Variants in PCDH15 observed in about 807,000 individuals in gnomAD.
PCDH15 encodes the protein protocadherin-15.
PCDH15 carries 129 observed loss-of-function variants against 178.5 expected under a neutral mutation model. That is an observed-to-expected ratio of 0.72 (90% CI 0.63 to 0.84). PCDH15 has a LOEUF of 0.84. Among genes scored for constraint, PCDH15 ranks in the 40% least tolerant of loss-of-function variants. The pLI is 0.00. For missense variants in PCDH15, 2,230 were observed against 2,099.9 expected (o/e 1.06, Z -1.21); for synonymous variants, 800 against 732.0 (o/e 1.09, Z -1.50).
intron 2 of PCDH15, among the ~76,000 whole-genome samples, chr10:55,132,787 T>C (rs746198776): frequency 6.6e-6 from 1 of 152,212 alleles, no homozygotes; most frequent in Non-Finnish European, 1.5e-5. Context: ...ACATTGTAGT[T>C]ATCCTCATTT....
intron 1 of PCDH15, among the ~76,000 whole-genome samples, chr10:55,179,221 A>G (rs1839574629): frequency 6.6e-6 from 1 of 152,052 alleles, no homozygotes; most frequent in African/African-American, 2.4e-5. Context: ...TCCCAAAACA[A>G]TTCCCCCCGT....
chr10:55,169,437 A>G (rs1181484637), intron 1 of PCDH15, among the ~76,000 whole-genome samples: 3 of 152,210 alleles, frequency 2.0e-5, no homozygotes, highest in Non-Finnish European at 4.4e-5. Flanking sequence ...TCATTATTTA[A>G]CTACATTTCA....
At chr10:55,592,148 T>C (rs1200203542) in intron 2 of PCDH15, among the ~76,000 whole-genome samples, 2 of 152,188 alleles carry the variant, frequency 1.3e-5, no homozygotes, top group Admixed American at 1.3e-4. Flanking sequence ...GATTTCTTAT[T>C]GCGCCGGTAT....
intron 2 of PCDH15, chr10:54,655,785 C>T (rs2094393529): frequency 6.6e-6 from 1 of 152,128 alleles, no homozygotes; most frequent in African/African-American, 2.4e-5. Context: ...CACAAGATTA[C>T]TCACCTTCAG....
At chr10:55,523,175 A>AT (rs903720540) in intron 2 of PCDH15, among the ~76,000 whole-genome samples, 1 of 151,168 alleles carries the variant, frequency 6.6e-6, no homozygotes, top group Non-Finnish European at 1.5e-5. Flanking sequence ...AGATTTGGAA[A>AT]TTTTTTTTAA....
intron 2 of PCDH15, among the ~76,000 whole-genome samples, chr10:54,573,460 T>C (rs1170044323): frequency 1.3e-5 from 2 of 152,176 alleles, no homozygotes; most frequent in African/African-American, 2.4e-5. Context: ...GAAACCAGCA[T>C]TGATATTTTC....
chr10:55,142,739 G>A (rs1838389586), intron 2 of PCDH15, among the ~76,000 whole-genome samples: 1 of 151,190 alleles, frequency 6.6e-6, no homozygotes, highest in African/African-American at 2.4e-5. Flanking sequence ...CTCAGGTTCA[G>A]CAAACTCAAG....
At chr10:53,974,070 G>C (rs2089988030) in intron 21 of PCDH15, among the ~76,000 whole-genome samples, 2 of 152,090 alleles carry the variant, frequency 1.3e-5, no homozygotes, top group South Asian at 4.1e-4. Context: ...CGGGCTGGAA[G>C]GCAGTGGCGT....
intron 29 of PCDH15, among the ~76,000 whole-genome samples, chr10:53,831,835 A>C (rs2077035981): frequency 1.3e-5 from 2 of 152,144 alleles, no homozygotes; most frequent in Non-Finnish European, 2.9e-5. Flanking sequence ...AAAATAATTT[A>C]ACAACATTTT....
chr10:54,160,180 C>A lies in PCDH15; in HGVS notation c.1591-6887G>T, dbSNP rs575369133. The stretch of plus-strand genomic sequence containing the variant: ...ATGCTGGACAAAAGGATGATTCATG[C>A]CCCCCCCAACAAGCTGGGGACAGAG... On this transcript the variant is annotated intron_variant, in intron 13 of 37. Coordinates refer to ENST00000644397, the MANE Select transcript of PCDH15 (RefSeq NM_001384140.1). 4.1e-5 allele frequency among the ~76,000 whole-genome samples: 6 copies of A among 146,956 alleles called. No individual in the cohort carries two copies. In the East Asian group the frequency reaches 9.7e-4, roughly 24 times the overall value.
chr10:54,335,419 T>G (rs1300869993), intron 6 of PCDH15, among the ~76,000 whole-genome samples: 1 of 152,192 alleles, frequency 6.6e-6, no homozygotes, highest in Non-Finnish European at 1.5e-5. Flanking sequence ...CTTTCTACAA[T>G]TGATATGGTT....
chr10:53,972,305 T>G (rs1167859990), intron 21 of PCDH15, among the ~76,000 whole-genome samples: 1 of 151,208 alleles, frequency 6.6e-6, no homozygotes, highest in Non-Finnish European at 1.5e-5. Context: ...GATTAAAGAC[T>G]TAGATGTTAG....
intron 2 of PCDH15, among the ~76,000 whole-genome samples, chr10:55,100,807 A>G (rs1157616927): frequency 2.0e-5 from 3 of 152,130 alleles, no homozygotes; most frequent in Admixed American, 2.0e-4. Flanking sequence ...AAATTTTGAC[A>G]TGAGTTTTGG....
rs572917482 is a variant in PCDH15, at chr10:53,914,374, T to A, written c.3374-11004A>T. The stretch of plus-strand genomic sequence containing the variant: ...GACTTCAAACCCACCCAAATGTCCA[T>A]CAATGATAGACTGGATTAAGAAAAT... On this transcript the variant is annotated intron_variant, in intron 25 of 37. Transcript: ENST00000644397. Among the ~76,000 whole-genome samples, 6 of 152,206 alleles carry A rather than the reference T, an allele frequency of 3.9e-5. No homozygotes were observed. In the East Asian group the frequency reaches 9.7e-4, roughly 25 times the overall value.
chr10:54,418,640 T>C lies in PCDH15; in HGVS notation c.158-39698A>G, dbSNP rs115178846. Reference sequence around the variant, plus strand: ...TTATCATTTTGTAACTTTTTTATTATATTAGTCAAAAAATCTAACTGTACT... The same window carrying C: ...TTATCATTTTGTAACTTTTTTATTACATTAGTCAAAAAATCTAACTGTACT... On this transcript the variant is annotated intron_variant, in intron 3 of 37. Transcript: ENST00000644397. Among the ~76,000 whole-genome samples the C allele has an allele frequency of 6.0e-3, 915 of 152,028 alleles. 6 individuals carry two copies. The highest frequency in any genetic ancestry group is 0.02 in the African/African-American group (846 of 41,544).
intron 3 of PCDH15, among the ~76,000 whole-genome samples, chr10:54,860,891 G>A (rs976022809): frequency 2.0e-5 from 3 of 152,076 alleles, no homozygotes; most frequent in Non-Finnish European, 4.4e-5. Flanking sequence ...CGATCATTAA[G>A]GCAATTTCTC....
intron 2 of PCDH15, among the ~76,000 whole-genome samples, chr10:55,014,801 T>A (rs916977092): frequency 6.6e-6 from 1 of 152,224 alleles, no homozygotes; most frequent in African/African-American, 2.4e-5. Context: ...AATACTTTTT[T>A]AATTGAAATT....
intron 2 of PCDH15, among the ~76,000 whole-genome samples, chr10:55,407,148 G>A (rs1050785216): frequency 3.3e-5 from 5 of 151,870 alleles, no homozygotes; most frequent in Non-Finnish European, 7.4e-5. Flanking sequence ...ATACATGGAT[G>A]GTTTTGTAGA....
intron 28 of PCDH15, among the ~76,000 whole-genome samples, chr10:53,854,275 A>G (rs1001029545): frequency 1.3e-5 from 2 of 152,008 alleles, no homozygotes; most frequent in African/African-American, 4.8e-5. Flanking sequence ...CTGGAATGGA[A>G]ACTTGTTTAA....
Sources: gnomAD v4.1 joint callset for allele counts (sites outside exome capture counted in the v4.1 genomes callset) on GRCh38, gnomAD v4.1.1 for gene constraint, MANE v1.5 for transcripts, NCBI Gene and HGNC (gene_info 2026-07-23, HGNC 2026-07-21) for gene names.